The following DDX18 variants were observed in gnomAD, a reference collection of about 807,000 sequenced individuals.
The protein encoded by DDX18 is ATP-dependent RNA helicase DDX18.
In DDX18, 23 loss-of-function variants were observed where a neutral mutation model predicts 73.5. The observed-to-expected ratio is 0.31, with a 90% CI of 0.23 to 0.44. The LOEUF is 0.44. Ranked by LOEUF, DDX18 falls within the 20% of genes least tolerant of loss-of-function variation. DDX18 has a pLI of 1.00. For missense variants in DDX18, 753 were observed against 792.9 expected, an observed-to-expected ratio of 0.95 and a Z score of 0.60; for synonymous variants, 268 against 282.7, an observed-to-expected ratio of 0.95 and a Z score of 0.52.
At position 117,821,757 on chromosome 2, in the gene DDX18, G is replaced by A. The variant is rs201937866; in HGVS notation, c.751+7G>A. 86 of 1,613,884 alleles carry A rather than the reference G, an allele frequency of 5.3e-5. No homozygotes were observed. Among genetic ancestry groups the A allele is most frequent in the Admixed American group, 1.2e-4 (7 of 59,966 alleles). The stretch of plus-strand genomic sequence containing the variant: ...AGGTTCATGCCCAGGAATGGTAAGC[G>A]TTCATCTGCTTGTTTCTGCCATTAT... On this transcript the variant is annotated splice_region_variant and intron_variant, in intron 5 of 13. Transcript: ENST00000263239.
Position 117,832,360 on chromosome 2 carries a change from A to G in DDX18, c.*1636A>G, listed in dbSNP as rs1680042046. On this transcript the variant is annotated 3_prime_UTR_variant, in exon 14 of 14. Transcript: ENST00000263239. ...ACATGTTATTTTCCTGTGTCATTAA[A>G]TAATTACTTCAATGTTGTATTTCGT... 1 of 152,220 alleles carries G rather than the reference A, an allele frequency of 6.6e-6. No individual in the cohort carries two copies. Among genetic ancestry groups the G allele is most frequent in the Non-Finnish European group, 1.5e-5 (1 of 68,034 alleles). The allele number at this position is 152,220 out of a possible 1,614,324, so 9.4% of individuals were successfully genotyped here.
intron 2 of DDX18, 114 bp from the exon 3 acceptor site, chr2:117,819,535 T>A: frequency 1.9e-6 from 2 of 1,036,950 alleles, no homozygotes; most frequent in Non-Finnish European, 2.7e-6. Context: ...ATACAGCATA[T>A]ACTTAGCTTT....
chr2:117,817,782 T>C lies in DDX18; in HGVS notation c.370+54T>C, dbSNP rs1275517460. 2.6e-6 allele frequency: 4 copies of C among 1,520,428 alleles called. No individual in the cohort carries two copies. The Admixed American group carries it at 6.3e-5, about 24-fold the overall frequency. The allele number at this position is 1,520,428 out of a possible 1,614,324, so 94.2% of individuals were successfully genotyped here. ...CCATTTAGTTTTTCACAGACGGTTA[T>C]TGTTCCTCTTTCTATTACTATTGTG... On this transcript the variant is annotated intron_variant, in intron 2 of 13. Coordinates refer to ENST00000263239, the MANE Select transcript of DDX18 (RefSeq NM_006773.4).
chr2:117,817,446 G>T lies in DDX18; in HGVS notation c.88G>T (p.Ala30Ser), dbSNP rs368813286. 38 of 1,595,288 alleles carry T rather than the reference G, an allele frequency of 2.4e-5. No homozygotes were observed. In the East Asian group the frequency reaches 7.6e-4, roughly 32 times the overall value. Residue 30 changes from alanine (A) to serine (S), a missense_variant and splice_region_variant, in exon 2 of 14, where the codon GCC becomes TCC. Physicochemically the swap from Ala to Ser is moderately conservative, Grantham distance 99. Coordinates refer to ENST00000263239, the MANE Select transcript of DDX18 (RefSeq NM_006773.4). ...LRQRNLKFQG[A>S]SNLTLSETQN... ...ATATGTTCTGTTTATTTAAACAGGG[G>T]CCTCAAATCTGACCCTATCGGAAAC... is the stretch of plus-strand genomic sequence containing the variant.
At position 117,822,215 on chromosome 2, in the gene DDX18, T is replaced by A. The variant is rs185939589; in HGVS notation, c.1020T>A (p.Asp340Glu). ...LVIDEADRIL[D>E]VGFEEELKQI... Reference sequence around the variant, plus strand: ...TTGATGAAGCTGATCGTATCTTGGATGTGGGGTTTGAAGAGGAATTAAAGC... The same window carrying A: ...TTGATGAAGCTGATCGTATCTTGGAAGTGGGGTTTGAAGAGGAATTAAAGC... Residue 340 changes from aspartate (D) to glutamate (E), a missense_variant, in exon 7 of 14, where the codon GAT (aspartate) becomes GAA (glutamate). Physicochemically the swap from Asp to Glu is conservative, Grantham distance 45. This residue lies in a region of DDX18 where 402 missense variants were observed against 419.4 expected (regional missense o/e 0.96). Coordinates refer to ENST00000263239, the MANE Select transcript of DDX18 (RefSeq NM_006773.4). 6.8e-6 allele frequency: 11 copies of A among 1,613,820 alleles called. No individual in the cohort carries two copies. In the Admixed American group the frequency reaches 1.8e-4, roughly 27 times the overall value.
Position 117,817,591 on chromosome 2 carries a change from T to G in DDX18, c.233T>G (p.Val78Gly), listed in dbSNP as rs1679780854. The change falls in exon 2 of 14, where the codon GTG (valine) becomes GGG (glycine). Residue 78 changes from valine (V) to glycine (G), a missense_variant. By Grantham distance (109) the Val-to-Gly change is moderately radical (BLOSUM62 -3). Transcript: ENST00000263239. Reference protein sequence around the residue: ...TQNGGMSQEAVGNIKVTKSPQ... With the variant: ...TQNGGMSQEAGGNIKVTKSPQ... ...AATGGAGGCATGTCTCAAGAAGCAG[T>G]GGGAAATATAAAAGTTACAAAGTCT... The G allele has an allele frequency of 1.2e-6, 2 of 1,613,746 alleles. No individual in the cohort carries two copies. Among genetic ancestry groups the G allele is most frequent in the Admixed American group, 3.3e-5 (2 of 59,976 alleles).
rs1679812641 is a variant in DDX18 at position 117,819,658 on chromosome 2, A to T, written c.380A>T (p.Lys127Ile). 6.3e-7 allele frequency: 1 copy of T among 1,580,284 alleles called. No individual in the cohort carries two copies. The highest frequency in any genetic ancestry group is 2.0e-5 in the Admixed American group (1 of 50,510). The change falls in exon 3 of 14, where the codon AAA becomes ATA. Residue 127 changes from lysine (K) to isoleucine (I), a missense_variant. Lys to Ile is a moderately radical substitution (Grantham distance 102, BLOSUM62 -3). Around this residue, in one of 3 missense-constraint regions of DDX18, gnomAD observed 345 missense variants for 352.0 expected, o/e 0.98. Transcript: ENST00000263239. Reference protein sequence around the residue: ...MVNDAEPDTKKAKTENKGKSE... With the variant: ...MVNDAEPDTKIAKTENKGKSE... ...TCTTTTAAAACCAAAGATACGAAAA[A>T]AGCAAAAACTGAAAACAAAGGGAAA...
At chr2:117,822,584 A>G (rs1679865277) in intron 7 of DDX18, 2 of 257,570 alleles carry the variant, frequency 7.8e-6, no homozygotes, top group Admixed American at 5.1e-5. Context: ...TACCTTGGTT[A>G]TAGTACTTGC....
In DDX18 at chr2:117,821,182, T is replaced by G. The variant is rs542395923; in HGVS notation, c.536T>G (p.Phe179Cys). 8.2e-6 allele frequency: 13 copies of G among 1,592,780 alleles called. No individual in the cohort carries two copies. Among genetic ancestry groups the G allele is most frequent in the Non-Finnish European group, 1.1e-5 (13 of 1,172,074 alleles). ...GLTGAFEDTS[F>C]ASLCNLVNEN... Reference sequence around the variant, plus strand: ...TTAGGAGCTTTTGAGGATACTTCGTTTGCTTCTCTATGTAATCTTGTCAAT... The same window carrying G: ...TTAGGAGCTTTTGAGGATACTTCGTGTGCTTCTCTATGTAATCTTGTCAAT... The change falls in exon 4 of 14, where the codon TTT becomes TGT. Residue 179 changes from phenylalanine to cysteine, a missense_variant. Phe to Cys is a radical substitution (Grantham distance 205). Around this residue, in one of 3 missense-constraint regions of DDX18, gnomAD observed 345 missense variants for 352.0 expected, o/e 0.98. Coordinates refer to ENST00000263239, the MANE Select transcript of DDX18 (RefSeq NM_006773.4).
chr2:117,825,235 T>C, intron 9 of DDX18, 134 bp downstream of exon 9: 2 of 1,291,212 alleles, frequency 1.5e-6, no homozygotes, highest in Non-Finnish European at 2.1e-6. Context: ...ATGGATCCTG[T>C]GTGGGGGAGC....
chr2:117,829,114 G>A (rs1679979718), intron 12 of DDX18, 109 bp downstream of exon 12: 3 of 1,168,594 alleles, frequency 2.6e-6, no homozygotes, highest in Non-Finnish European at 3.7e-6. Flanking sequence ...CTGTCCTAAA[G>A]TGAGGATCAG....
At position 117,826,158 on chromosome 2, in the gene DDX18, C is replaced by G. The variant is rs554787155; in HGVS notation, c.1522-111C>G. The G allele has an allele frequency of 1.9e-5, 16 of 825,906 alleles. No individual in the cohort carries two copies. The African/African-American group carries it at 2.4e-4, about 12-fold the overall frequency. 51.2% of individuals were successfully genotyped at this position (825,906 alleles called of 1,614,324 possible). ...GGTGAAGGTGTGTGTGGCCCAGCAC[C>G]GTGGGACTACACCATCTCAGTACAG... On this transcript the variant is annotated intron_variant, in intron 10 of 13. Coordinates refer to ENST00000263239, the MANE Select transcript of DDX18 (RefSeq NM_006773.4).
In DDX18 at chr2:117,830,828, A is replaced by T; in HGVS notation, c.*104A>T. ...AGACTTTAGAATTTGGACTTACCTA[A>T]CAAGAGTATAAATTGACTTGGGTTG... is the stretch of plus-strand genomic sequence containing the variant. On this transcript the variant is annotated 3_prime_UTR_variant, in exon 14 of 14. Coordinates refer to ENST00000263239, the MANE Select transcript of DDX18 (RefSeq NM_006773.4). 1.4e-6 allele frequency: 2 copies of T among 1,389,822 alleles called. No individual in the cohort carries two copies. The highest frequency in any genetic ancestry group is 2.5e-5 in the South Asian group (2 of 78,604). 86.1% of individuals were successfully genotyped at this position (1,389,822 alleles called of 1,614,324 possible).
rs775684189 is a variant in DDX18, at chr2:117,829,387, G to C, written c.1791G>C (p.Gln597His). ...CCTATGATTCCCATTCTCTGAAACAGATCTTTAATGTTAATAACCTAAATT... is the reference window on the plus strand; with the variant it reads ...CCTATGATTCCCATTCTCTGAAACACATCTTTAATGTTAATAACCTAAATT... ...IRAYDSHSLK[Q>H]IFNVNNLNLP... The change falls in exon 13 of 14, where the codon CAG becomes CAC. Residue 597 changes from glutamine to histidine, a missense_variant. By Grantham distance (24) the Gln-to-His change is conservative (BLOSUM62 0). Coordinates refer to ENST00000263239, the MANE Select transcript of DDX18 (RefSeq NM_006773.4). 6.2e-7 allele frequency: 1 copy of C among 1,614,102 alleles called. No homozygotes were observed. Among genetic ancestry groups the C allele is most frequent in the Non-Finnish European group, 8.5e-7 (1 of 1,180,000 alleles).
intron 7 of DDX18, 122 bp downstream of exon 7, chr2:117,822,383 CA>C: frequency 2.9e-6 from 2 of 683,446 alleles, no homozygotes; most frequent in Non-Finnish European, 5.0e-6. Context: ...GTAGTTGTGC[CA>C]ATTAACCCGA....
At chr2:117,825,198 T>C in intron 9 of DDX18, 97 bp downstream of exon 9, 1 of 1,459,098 alleles carries the variant, frequency 6.9e-7, no homozygotes, top group Non-Finnish European at 9.3e-7. Flanking sequence ...GAAACATTGT[T>C]CTGAGTAGTT....
intron 9 of DDX18, 112 bp from the exon 10 acceptor site, chr2:117,825,335 A>T: frequency 3.7e-6 from 5 of 1,336,046 alleles, no homozygotes; most frequent in Non-Finnish European, 5.1e-6. Flanking sequence ...GGGAAATAGG[A>T]CATAGGCCAA....
intron 1 of DDX18, among the ~76,000 whole-genome samples, chr2:117,816,390 G>A (rs934393414): frequency 4.0e-5 from 6 of 151,870 alleles, no homozygotes; most frequent in Non-Finnish European, 7.4e-5. Flanking sequence ...GTTTCCTTTT[G>A]TCCTTATTCT....
In DDX18 at chr2:117,821,889, C is replaced by CT; in HGVS notation, c.780dup (p.Arg261Ter). The CT allele has an allele frequency of 6.2e-7, 1 of 1,614,036 alleles. No homozygotes were observed. The highest frequency in any genetic ancestry group is 8.5e-7 in the Non-Finnish European group (1 of 1,179,938). ...ACAGGAGTCCTTATTCTCTCACCTA[C>CT]TAGAGAACTAGCCATGCAAACCTTT... is the stretch of plus-strand genomic sequence containing the variant. On this transcript the variant is annotated frameshift_variant, in exon 6 of 14. Transcript: ENST00000263239. LOFTEE classifies it high-confidence loss of function.
Sources: gnomAD v4.1 joint callset for allele counts (sites outside exome capture counted in the v4.1 genomes callset) on GRCh38, gnomAD v4.1.1 for gene constraint, gnomAD v4.1.1 regional missense constraint, MANE v1.5 for transcripts, NCBI Gene and HGNC (gene_info 2026-07-23, HGNC 2026-07-21) for gene names.